XPA: variants seen among roughly 807,000 people sequenced by gnomAD.
The protein encoded by XPA is XPA, DNA damage recognition and repair factor.
A neutral mutation model predicts 35.7 loss-of-function variants in XPA; 27 were observed. The observed-to-expected ratio is 0.76, with a 90% CI of 0.56 to 1.04. XPA has a LOEUF of 1.04. Ranked by LOEUF, XPA falls within the 50% of genes least tolerant of loss-of-function variation. The pLI is 0.00. For missense variants in XPA, 354 were observed against 342.7 expected (o/e 1.03, Z -0.26); for synonymous variants, 133 against 118.4 (o/e 1.12, Z -0.80).
the XPA span, chr9:97,658,514 C>A: frequency 1.4e-6 from 1 of 694,644 alleles, no homozygotes; most frequent in Non-Finnish European, 2.5e-6. Flanking sequence ...TTTTTTTTTC[C>A]CTTTCACTTC....
chr9:97,671,594 TAACATGGCTGAAATAAAACTA>T (rs1399211296), downstream of XPA: 1 of 156,018 alleles, frequency 6.4e-6, no homozygotes, highest in African/African-American at 2.4e-5. Context: ...GGGGATGAAT[TAACATGGCTGAAATAAAACTA>T]AAAGTATGGT....
At chr9:97,656,823 C>T in the XPA span, among the ~76,000 whole-genome samples, 2 of 152,304 alleles carry the variant, frequency 1.3e-5, no homozygotes, top group East Asian at 3.9e-4. Context: ...AACAAAACCA[C>T]TCTCCTACCT....
chr9:97,674,466 C>T (rs1324638918), downstream of XPA, among the ~76,000 whole-genome samples: 6 of 152,046 alleles, frequency 3.9e-5, no homozygotes, highest in East Asian at 7.7e-4. Context: ...TCTATTTGTA[C>T]AGTAGGATAA....
intron 2 of XPA, among the ~76,000 whole-genome samples, chr9:97,690,406 G>T (rs1014576059): frequency 6.6e-6 from 1 of 151,280 alleles, no homozygotes; most frequent in East Asian, 1.9e-4. Context: ...TTTGTTTTTT[G>T]AGATGGAATC....
the XPA span, chr9:97,655,890 C>A: frequency 1.5e-6 from 2 of 1,309,502 alleles, no homozygotes; most frequent in South Asian, 1.3e-5. Context: ...CAAATAGTTA[C>A]AAGTGCAATT....
chr9:97,681,044 A>T (rs897861725), intron 5 of XPA, among the ~76,000 whole-genome samples: 3 of 152,228 alleles, frequency 2.0e-5, no homozygotes, highest in African/African-American at 4.8e-5. Flanking sequence ...ATATTCAGGG[A>T]CTGCTTATAC....
chr9:97,669,924 C>T (rs533726908), downstream of XPA: 12 of 572,616 alleles, frequency 2.1e-5, no homozygotes, highest in African/African-American at 1.6e-4. Flanking sequence ...AACAACCCCC[C>T]GCCCCACCTT....
downstream of XPA, among the ~76,000 whole-genome samples, chr9:97,670,312 C>T (rs1435883448): frequency 6.6e-6 from 1 of 152,094 alleles, no homozygotes; most frequent in Non-Finnish European, 1.5e-5. Context: ...TTTATAAGTC[C>T]CTAAAAAGCC....
Position 97,697,067 on chromosome 9 carries a change from T to G in XPA, c.172+54A>C, listed in dbSNP as rs895600926. ...GGGACTCGGCTTGCACGAGCCAGTC[T>G]GGGGACCGGGGAGGCGGGGAGAGGG... On this transcript the variant is annotated intron_variant, in intron 1 of 5. Coordinates refer to ENST00000375128, the MANE Select transcript of XPA (RefSeq NM_000380.4). 3.3e-6 allele frequency: 5 copies of G among 1,496,770 alleles called. No individual in the cohort carries two copies. The African/African-American group carries it at 7.2e-5, about 21-fold the overall frequency. The allele number at this position is 1,496,770 out of a possible 1,614,324, so 92.7% of individuals were successfully genotyped here. A position where few individuals can be genotyped will look rare whatever the true frequency, so the allele number is the denominator to read the frequency against.
chr9:97,659,629 A>T, the XPA span, among the ~76,000 whole-genome samples: 1 of 152,320 alleles, frequency 6.6e-6, no homozygotes, highest in African/African-American at 2.4e-5. Context: ...TAGGTGCACT[A>T]ACTGAGTGGC....
chr9:97,674,078 C>T (rs978671986), downstream of XPA, among the ~76,000 whole-genome samples: 6 of 152,098 alleles, frequency 3.9e-5, no homozygotes, highest in African/African-American at 4.8e-5. Flanking sequence ...AATTTACCCA[C>T]GGTCCACAGC....
the XPA span, chr9:97,669,116 A>G: frequency 3.9e-6 from 4 of 1,033,792 alleles, no homozygotes; most frequent in Admixed American, 1.2e-4. Flanking sequence ...TTAGGAAGGA[A>G]ATAAAAGTTC....
chr9:97,696,188 C>T (rs1829035853), intron 1 of XPA, among the ~76,000 whole-genome samples: 1 of 152,202 alleles, frequency 6.6e-6, no homozygotes. Context: ...CTCACTACAT[C>T]TGGCTGATAA....
the XPA span, among the ~76,000 whole-genome samples, chr9:97,659,042 T>C: frequency 6.6e-6 from 1 of 152,230 alleles, no homozygotes; most frequent in African/African-American, 2.4e-5. Context: ...TTTGTCATGG[T>C]GATGGAGGTT....
At chr9:97,696,537 T>C (rs3176636) in intron 1 of XPA, among the ~76,000 whole-genome samples, 3,784 of 152,274 alleles carry the variant, frequency 0.025, 170 homozygotes, top group African/African-American at 0.086. Context: ...CTTCTTCTGA[T>C]TGCTGAGTAG....
the XPA span, among the ~76,000 whole-genome samples, chr9:97,658,434 C>T: frequency 1.3e-5 from 2 of 152,256 alleles, no homozygotes; most frequent in Admixed American, 6.5e-5. Context: ...ACCCGCACCT[C>T]AGTGCAAGCC....
At chr9:97,686,958 T>C (rs1041603595) in intron 4 of XPA, 138 bp downstream of exon 4, 2 of 800,356 alleles carry the variant, frequency 2.5e-6, no homozygotes, top group African/African-American at 3.4e-5. Context: ...AATGTCATTA[T>C]ACATGACTGT....
At chr9:97,661,985 G>A in the XPA span, 1 of 1,207,704 alleles carries the variant, frequency 8.3e-7, no homozygotes, top group Non-Finnish European at 1.2e-6. Flanking sequence ...TTTGAGGTAA[G>A]GCACCAAGGA....
At chr9:97,661,125 A>G in the XPA span, 2 of 1,594,548 alleles carry the variant, frequency 1.3e-6, no homozygotes, top group Admixed American at 3.5e-5. Flanking sequence ...CTTAAAGCAT[A>G]AACATAACTC....
Sources: gnomAD v4.1 joint callset for allele counts (sites outside exome capture counted in the v4.1 genomes callset) on GRCh38, gnomAD v4.1.1 for gene constraint, MANE v1.5 for transcripts, NCBI Gene and HGNC (gene_info 2026-07-23, HGNC 2026-07-21) for gene names.